Variants in TNFRSF10A observed in about 807,000 individuals in gnomAD.
TNFRSF10A encodes the protein tumor necrosis factor receptor superfamily member 10A.
Under a neutral mutation model 42.8 loss-of-function variants are expected in TNFRSF10A, and 44 were observed. The ratio of observed to expected loss-of-function variants is 1.03; its 90% CI spans 0.81 to 1.32. The LOEUF (loss-of-function observed/expected upper bound fraction) is 1.32. Among genes scored for constraint, TNFRSF10A ranks in the 40% most tolerant of loss-of-function variants. The pLI, the probability that TNFRSF10A is intolerant of heterozygous loss-of-function variation, is 0.00. For missense variants in TNFRSF10A, 680 were observed against 602.0 expected, an observed-to-expected ratio of 1.13 and a Z score of -1.36; for synonymous variants, 259 against 234.2, an observed-to-expected ratio of 1.11 and a Z score of -0.97.
intron 4 of TNFRSF10A, 114 bp downstream of exon 4, chr8:23,201,694 C>G: frequency 2.1e-6 from 2 of 938,816 alleles, no homozygotes; most frequent in Non-Finnish European, 3.3e-6. Context: ...GGGGTGGAGG[C>G]ACCATGGGGT....
At chr8:23,214,314 C>T (rs1049667988) in intron 1 of TNFRSF10A, among the ~76,000 whole-genome samples, 2 of 151,902 alleles carry the variant, frequency 1.3e-5, no homozygotes, top group Non-Finnish European at 2.9e-5. Flanking sequence ...GGTGAAAACC[C>T]GTCTCTATTA....
intron 1 of TNFRSF10A, among the ~76,000 whole-genome samples, chr8:23,218,103 A>G (rs1801209880): frequency 6.6e-6 from 1 of 152,030 alleles, no homozygotes; most frequent in African/African-American, 2.4e-5. Flanking sequence ...CAGAGAAGTG[A>G]GGTTCTCAGT....
rs774477255 is a variant in TNFRSF10A, at chr8:23,199,366, G to A, written c.914C>T (p.Ser305Leu). 3.1e-6 allele frequency: 5 copies of A among 1,614,208 alleles called. No homozygotes were observed. Among genetic ancestry groups the A allele is most frequent in the Non-Finnish European group, 2.5e-6 (3 of 1,180,028 alleles). ...CTGCTCAGAGACGAAAGTGGACAGC[G>A]AGTCTGCGTTGCTCAGAATCTCGTT... The part of the protein sequence containing the change: ...AHNEILSNAD[S>L]LSTFVSEQQM... The change falls in exon 8 of 10, where the codon TCG (serine) becomes TTG (leucine). Residue 305 changes from serine (S) to leucine (L), a missense_variant. Transcript: ENST00000221132.
rs763276148 is a variant in TNFRSF10A, at chr8:23,225,051, G to A, written c.11C>T (p.Pro4Leu). The A allele has an allele frequency of 2.2e-5, 33 of 1,528,108 alleles. No homozygotes were observed. The highest frequency in any genetic ancestry group is 2.9e-5 in the Non-Finnish European group (33 of 1,137,856). 94.7% of individuals were successfully genotyped at this position (1,528,108 alleles called of 1,614,324 possible). The change falls in exon 1 of 10, where the codon CCA (proline) becomes CTA (leucine). Residue 4 changes from proline (P) to leucine (L), a missense_variant. Physicochemically the swap from Pro to Leu is moderately conservative, Grantham distance 98 (BLOSUM62 -3). Transcript: ENST00000221132. ...CGCACCTAGATGTACTCTAGCTGGTGGTGGCGCCATCCTGCCAGGTCAATC... is the reference window on the plus strand; with the variant it reads ...CGCACCTAGATGTACTCTAGCTGGTAGTGGCGCCATCCTGCCAGGTCAATC... The part of the protein sequence containing the change: MAP[P>L]PARVHLGAFL...
intron 1 of TNFRSF10A, among the ~76,000 whole-genome samples, chr8:23,221,361 G>T (rs1361782530): frequency 6.6e-6 from 1 of 152,234 alleles, no homozygotes; most frequent in Admixed American, 6.5e-5. Context: ...AACCCTGGCT[G>T]TCTTCAGCCT....
chr8:23,204,376 A>C (rs1379590138), intron 2 of TNFRSF10A, among the ~76,000 whole-genome samples: 4 of 152,220 alleles, frequency 2.6e-5, no homozygotes, highest in Admixed American at 2.6e-4. Flanking sequence ...AAAATTAGGA[A>C]GAAAACTGCA....
At chr8:23,209,169 C>T (rs1445668330) in intron 2 of TNFRSF10A, among the ~76,000 whole-genome samples, 2 of 152,190 alleles carry the variant, frequency 1.3e-5, no homozygotes, top group African/African-American at 4.8e-5. Flanking sequence ...CCTGCAGGTG[C>T]ACAGAAGTCA....
At chr8:23,207,252 G>C in intron 2 of TNFRSF10A, 1 of 595,408 alleles carries the variant, frequency 1.7e-6, no homozygotes, top group Admixed American at 1.9e-5. Flanking sequence ...GCTCTATGAT[G>C]TTTATGTGGC....
chr8:23,201,134 C>G (rs1002434553), intron 4 of TNFRSF10A, among the ~76,000 whole-genome samples: 1 of 152,220 alleles, frequency 6.6e-6, no homozygotes, highest in Non-Finnish European at 1.5e-5. Flanking sequence ...ACCCACAGTA[C>G]AAGTGAGCCC....
chr8:23,194,822 T>C (rs73222578), intron 9 of TNFRSF10A, among the ~76,000 whole-genome samples: 30,564 of 152,184 alleles, frequency 0.2, 3,504 homozygotes, highest in South Asian at 0.34. Context: ...ATTGTTGTCA[T>C]TGGATTACAG....
In TNFRSF10A at chr8:23,213,960, T is replaced by C. The variant is rs185926528; in HGVS notation, c.307-1748A>G. 2.3e-3 allele frequency among the ~76,000 whole-genome samples: 347 copies of C among 152,230 alleles called. 4 individuals are homozygous for C. Among genetic ancestry groups the C allele is most frequent in the African/African-American group, 7.8e-3 (326 of 41,554 alleles). On this transcript the variant is annotated intron_variant, in intron 1 of 9. Transcript: ENST00000221132. ...TTGAGGGTACAGCTGCTTTTTGTTG[T>C]TGTTGTTGTTACATGGATAAGTTCT... is the stretch of plus-strand genomic sequence containing the variant.
chr8:23,203,016 G>A (rs1013674143), intron 2 of TNFRSF10A, among the ~76,000 whole-genome samples: 1 of 152,004 alleles, frequency 6.6e-6, no homozygotes, highest in Admixed American at 6.5e-5. Flanking sequence ...AGAGAATGAG[G>A]TCAAATTAAT....
intron 9 of TNFRSF10A, among the ~76,000 whole-genome samples, chr8:23,195,558 C>T (rs1800811339): frequency 6.6e-6 from 1 of 152,158 alleles, no homozygotes; most frequent in Non-Finnish European, 1.5e-5. Context: ...TGGTTATTTT[C>T]TCAGGGCTTT....
intron 8 of TNFRSF10A, among the ~76,000 whole-genome samples, chr8:23,198,767 G>T (rs1049561517): frequency 2.8e-4 from 42 of 152,194 alleles, no homozygotes; most frequent in African/African-American, 9.7e-4. Flanking sequence ...GCATGTGTGT[G>T]CATGTGCGTG....
Position 23,224,889 on chromosome 8 carries a change from G to C in TNFRSF10A, c.173C>G (p.Ser58Cys). The part of the protein sequence containing the change: ...RGGGRGALPT[S>C]MGQHGPSARA... Reference sequence around the variant, plus strand: ...GGCACTGGGTCCGTGCTGTCCCATGGAGGTAGGGAGCGCTCCTCGGCCCCC... The same window carrying C: ...GGCACTGGGTCCGTGCTGTCCCATGCAGGTAGGGAGCGCTCCTCGGCCCCC... The change falls in exon 1 of 10, where the codon TCC becomes TGC. Residue 58 changes from serine (S) to cysteine (C), a missense_variant. By Grantham distance (112) the Ser-to-Cys change is moderately radical (BLOSUM62 -1). Transcript: ENST00000221132. The C allele has an allele frequency of 6.3e-7, 1 of 1,589,884 alleles. No homozygotes were observed. The highest frequency in any genetic ancestry group is 8.6e-7 in the Non-Finnish European group (1 of 1,168,414).
chr8:23,209,718 T>C (rs1164834416), intron 2 of TNFRSF10A, among the ~76,000 whole-genome samples: 1 of 152,258 alleles, frequency 6.6e-6, no homozygotes, highest in Non-Finnish European at 1.5e-5. Flanking sequence ...ACCCCCATTA[T>C]ATCTAGGAAG....
rs781174206 is a variant in TNFRSF10A at position 23,200,577 on chromosome 8, T to C, written c.727A>G (p.Ile243Val). The C allele has an allele frequency of 6.2e-7, 1 of 1,614,004 alleles. No homozygotes were observed. Among genetic ancestry groups the C allele is most frequent in the East Asian group, 2.2e-5 (1 of 44,868 alleles). ...ESGNGHNIWV[I>V]LVVTLVVPLL... ...GGAACAACCAAAGTCACAACCAAAA[T>C]CACCCATATATTATGTCCATTGCCT... The change falls in exon 6 of 10, where the codon ATT (isoleucine) becomes GTT (valine). Residue 243 changes from isoleucine to valine, a missense_variant. Transcript: ENST00000221132.
At chr8:23,219,371 C>T (rs572951601) in intron 1 of TNFRSF10A, among the ~76,000 whole-genome samples, 7 of 137,984 alleles carry the variant, frequency 5.1e-5, no homozygotes, top group African/African-American at 1.8e-4. Context: ...GATGGGACCC[C>T]GAAGAGTCCT....
At chr8:23,209,031 G>C (rs1170143715) in intron 2 of TNFRSF10A, among the ~76,000 whole-genome samples, 1 of 152,180 alleles carries the variant, frequency 6.6e-6, no homozygotes, top group Non-Finnish European at 1.5e-5. Flanking sequence ...GTGCTGTGTG[G>C]AGTCTAGGGA....
Sources: allele counts gnomAD v4.1 joint callset (sites outside exome capture counted in the v4.1 genomes callset), GRCh38; gene constraint gnomAD v4.1.1; transcripts MANE v1.5; gene names NCBI Gene and HGNC (gene_info 2026-07-23, HGNC 2026-07-21).